Variants in NALF1 observed in about 807,000 individuals in gnomAD.
NALF1 encodes family with sequence similarity 155 member A.
NALF1 carries 3 observed loss-of-function variants against 48.4 expected under a neutral mutation model. The observed-to-expected ratio is 0.06, with a 90% CI of 0.03 to 0.16. The LOEUF (loss-of-function observed/expected upper bound fraction) is 0.16, where lower values mean the gene tolerates loss of function less well. NALF1 is among the 10% of genes least tolerant of loss of function. The pLI is 1.00. For synonymous variants in NALF1, 262 were observed against 245.7 expected, an observed-to-expected ratio of 1.07 and a Z score of -0.62; for missense variants, 526 against 571.5, an observed-to-expected ratio of 0.92 and a Z score of 0.81.
At chr13:107,857,626 C>A (rs1880470552) in intron 1 of NALF1, among the ~76,000 whole-genome samples, 1 of 152,118 alleles carries the variant, frequency 6.6e-6, no homozygotes, top group Non-Finnish European at 1.5e-5. Context: ...AAAATTCCAG[C>A]CTTAGGAATG....
chr13:107,283,779 C>G (rs1007612589), intron 1 of NALF1, among the ~76,000 whole-genome samples: 5 of 151,888 alleles, frequency 3.3e-5, no homozygotes, highest in Non-Finnish European at 7.4e-5. Context: ...CCTGTCTCAG[C>G]CTCCTGAGTA....
intron 1 of NALF1, among the ~76,000 whole-genome samples, chr13:107,223,772 T>C (rs1880042563): frequency 6.6e-6 from 1 of 152,164 alleles, no homozygotes; most frequent in Non-Finnish European, 1.5e-5. Flanking sequence ...TAGAGAAAAA[T>C]GAGCATCCTC....
At chr13:107,192,007 A>G (rs1317041813) in intron 2 of NALF1, among the ~76,000 whole-genome samples, 3 of 151,920 alleles carry the variant, frequency 2.0e-5, no homozygotes, top group Non-Finnish European at 4.4e-5. Context: ...TAAGAAATAC[A>G]GATGCAGGAA....
At chr13:107,284,977 G>A (rs1457975373) in intron 1 of NALF1, among the ~76,000 whole-genome samples, 1 of 152,100 alleles carries the variant, frequency 6.6e-6, no homozygotes, top group Non-Finnish European at 1.5e-5. Context: ...GCTGAAAAGT[G>A]TAATAACTAA....
chr13:107,749,341 A>G (rs1686279331), intron 1 of NALF1, among the ~76,000 whole-genome samples: 1 of 152,138 alleles, frequency 6.6e-6, no homozygotes, highest in South Asian at 2.1e-4. Flanking sequence ...CACTTTTATG[A>G]AGAGAACCGT....
chr13:107,176,977 A>G (rs572680442), intron 2 of NALF1, among the ~76,000 whole-genome samples: 2 of 152,058 alleles, frequency 1.3e-5, no homozygotes, highest in African/African-American at 2.4e-5. Flanking sequence ...GGGAAAAACT[A>G]AAAACTCCAC....
At chr13:107,595,497 A>C (rs558074387) in intron 1 of NALF1, among the ~76,000 whole-genome samples, 5 of 151,508 alleles carry the variant, frequency 3.3e-5, no homozygotes, top group Non-Finnish European at 5.9e-5. Flanking sequence ...TATGCTTTTC[A>C]TGGCCCACCA....
intron 1 of NALF1, among the ~76,000 whole-genome samples, chr13:107,557,133 G>A (rs1232376371): frequency 3.9e-5 from 6 of 152,082 alleles, no homozygotes; most frequent in Admixed American, 3.9e-4. Flanking sequence ...TTGATGGCCA[G>A]AGCCTAGCTT....
At chr13:107,458,103 T>C (rs1454670435) in intron 1 of NALF1, among the ~76,000 whole-genome samples, 2 of 152,180 alleles carry the variant, frequency 1.3e-5, no homozygotes, top group African/African-American at 2.4e-5. Flanking sequence ...TCATTTGTTC[T>C]CTCTTTCAAA....
At chr13:107,714,626 T>TTAAAAAA (rs1555320362) in intron 1 of NALF1, among the ~76,000 whole-genome samples, 1 of 126,490 alleles carries the variant, frequency 7.9e-6, no homozygotes, top group African/African-American at 2.9e-5. Flanking sequence ...GAGGCTTTAT[T>TTAAAAAA]AAAAAAAAAA....
chr13:107,170,169 TC>T lies in NALF1; in HGVS notation c.*327del, dbSNP rs1878768406. ...GACTTAGTTTACCTCTGAGAAACCA[TC>T]CCCCAAAATAAATCCTGTATTAACA... On this transcript the variant is annotated 3_prime_UTR_variant, in exon 3 of 3. Coordinates refer to ENST00000375915, the MANE Select transcript of NALF1 (RefSeq NM_001080396.3). 2 of 223,950 alleles carry T rather than the reference TC, an allele frequency of 8.9e-6. No homozygotes were observed. 13.9% of individuals were successfully genotyped at this position (223,950 alleles called of 1,614,324 possible).
chr13:107,285,513 C>A (rs1594104218), intron 1 of NALF1, among the ~76,000 whole-genome samples: 2 of 152,080 alleles, frequency 1.3e-5, no homozygotes, highest in Admixed American at 1.3e-4. Context: ...AAATGAAAAC[C>A]CACTGTGTAC....
At chr13:107,459,155 C>A (rs1376827469) in intron 1 of NALF1, among the ~76,000 whole-genome samples, 3 of 151,984 alleles carry the variant, frequency 2.0e-5, no homozygotes, top group African/African-American at 7.3e-5. Flanking sequence ...TGAAAATATA[C>A]CTTTCTTATA....
At chr13:107,627,653 C>T (rs1879713748) in intron 1 of NALF1, among the ~76,000 whole-genome samples, 1 of 152,036 alleles carries the variant, frequency 6.6e-6, no homozygotes, top group African/African-American at 2.4e-5. Context: ...AAAAATGTCA[C>T]TTAAAAGGTT....
intron 1 of NALF1, among the ~76,000 whole-genome samples, chr13:107,807,124 C>G (rs1049934807): frequency 6.6e-6 from 1 of 152,052 alleles, no homozygotes; most frequent in African/African-American, 2.4e-5. Context: ...AATGACTTAT[C>G]CTTTTTAAAT....
chr13:107,229,310 T>G (rs946986838), intron 1 of NALF1, among the ~76,000 whole-genome samples: 4 of 152,066 alleles, frequency 2.6e-5, no homozygotes, highest in Non-Finnish European at 4.4e-5. Flanking sequence ...TGGGACTACG[T>G]GGGGCTGGAG....
chr13:107,605,499 GT>G lies in NALF1; in HGVS notation c.915+260182del, dbSNP rs150515631. ...TATTTACTTAATAGCATATTATCATGTTTTTGTTTTTATTATTTCTATTATC... is the reference window on the plus strand; with the variant it reads ...TATTTACTTAATAGCATATTATCATGTTTTGTTTTTATTATTTCTATTATC... On this transcript the variant is annotated intron_variant, in intron 1 of 2. Transcript: ENST00000375915. Among the ~76,000 whole-genome samples, 3,127 of 151,902 alleles carry G rather than the reference GT, an allele frequency of 0.021. 216 individuals are homozygous for G. In the East Asian group the frequency reaches 0.26, roughly 13 times the overall value.
chr13:107,849,777 T>C (rs1393411627), intron 1 of NALF1, among the ~76,000 whole-genome samples: 2 of 152,220 alleles, frequency 1.3e-5, no homozygotes, highest in African/African-American at 4.8e-5. Context: ...TCTCTTCTTT[T>C]CCTTTTTTCT....
At chr13:107,336,110 G>A (rs1420074199) in intron 1 of NALF1, among the ~76,000 whole-genome samples, 1 of 152,076 alleles carries the variant, frequency 6.6e-6, no homozygotes, top group Non-Finnish European at 1.5e-5. Flanking sequence ...ACAGCACTTT[G>A]GGAGGCTGAG....
Sources: allele counts gnomAD v4.1 joint callset (sites outside exome capture counted in the v4.1 genomes callset), GRCh38; gene constraint gnomAD v4.1.1; transcripts MANE v1.5; gene names NCBI Gene and HGNC (gene_info 2026-07-23, HGNC 2026-07-21).